The following PMS1 variants were observed in gnomAD, a reference collection of about 807,000 sequenced individuals.
PMS1 encodes the protein PMS1 protein homolog 1.
A neutral mutation model predicts 93.1 loss-of-function variants in PMS1; 79 were observed. That is an observed-to-expected ratio of 0.85 (90% CI 0.71 to 1.02). PMS1 has a LOEUF of 1.02. Ranked by LOEUF, PMS1 falls within the 50% of genes least tolerant of loss-of-function variation. The probability of loss-of-function intolerance (pLI) is 0.00; values close to 1 mark genes in which losing one functional copy is unlikely to be tolerated. For missense variants in PMS1, 1,064 were observed against 1,085.3 expected (o/e 0.98, Z 0.28); for synonymous variants, 335 against 363.4 (o/e 0.92, Z 0.89).
At position 189,795,896 on chromosome 2, in the gene PMS1, T is replaced by G; in HGVS notation, c.260T>G (p.Leu87Trp). ...AATAGTCATGAAGATCTTGAAAATTTGACAACTTACGGTTTTCGTGGAGAA... is the reference window on the plus strand; with the variant it reads ...AATAGTCATGAAGATCTTGAAAATTGGACAACTTACGGTTTTCGTGGAGAA... ...KINSHEDLEN[L>W]TTYGFRGEAL... Residue 87 changes from leucine (L) to tryptophan (W), a missense_variant, in exon 3 of 13, where the codon TTG becomes TGG. Physicochemically the swap from Leu to Trp is moderately conservative, Grantham distance 61. Transcript: ENST00000441310. 1 of 1,613,856 alleles carries G rather than the reference T, an allele frequency of 6.2e-7. No individual in the cohort carries two copies. Among genetic ancestry groups the G allele is most frequent in the Non-Finnish European group, 8.5e-7 (1 of 1,179,738 alleles).
chr2:189,853,301 C>T (rs2054959557), intron 7 of PMS1, among the ~76,000 whole-genome samples: 1 of 152,012 alleles, frequency 6.6e-6, no homozygotes, highest in Non-Finnish European at 1.5e-5. Context: ...AGTGATCCGC[C>T]CACCTCGGCC....
intron 5 of PMS1, among the ~76,000 whole-genome samples, chr2:189,824,507 TAAAAG>T (rs1319934666): frequency 1.3e-5 from 2 of 152,018 alleles, no homozygotes; most frequent in Non-Finnish European, 2.9e-5. Flanking sequence ...TGTTAGGAAA[TAAAAG>T]AAATTGGAAA....
intron 11 of PMS1, among the ~76,000 whole-genome samples, chr2:189,870,801 C>A (rs2057082629): frequency 6.6e-6 from 1 of 152,136 alleles, no homozygotes; most frequent in African/African-American, 2.4e-5. Context: ...CTAGAATATT[C>A]TGCTACTGCT....
chr2:189,793,896 A>T (rs1233263), intron 2 of PMS1, among the ~76,000 whole-genome samples: 2 of 152,152 alleles, frequency 1.3e-5, no homozygotes, highest in Non-Finnish European at 2.9e-5. Context: ...ATTAAACGTG[A>T]TGGTACTATT....
Position 189,834,394 on chromosome 2 carries a change from T to G in PMS1, c.583-9570T>G, listed in dbSNP as rs79560201. Among the ~76,000 whole-genome samples, 439 of 152,324 alleles carry G rather than the reference T, an allele frequency of 2.9e-3. 2 individuals are homozygous for G. The highest frequency in any genetic ancestry group is 9.8e-3 in the African/African-American group (409 of 41,576). On this transcript the variant is annotated intron_variant, in intron 5 of 12. Transcript: ENST00000441310. ...TGTATCTTACATGGGAATGTGTACT[T>G]CTTGTTGAAGTGACCAAGAGGGAAC... is the stretch of plus-strand genomic sequence containing the variant.
chr2:189,788,197 T>C (rs2048534933), intron 1 of PMS1, among the ~76,000 whole-genome samples: 1 of 152,234 alleles, frequency 6.6e-6, no homozygotes, highest in African/African-American at 2.4e-5. Flanking sequence ...AGTGTTTTTC[T>C]TAGATCCTTG....
Position 189,877,554 on chromosome 2 carries a change from T to C in PMS1, c.*118T>C. On this transcript the variant is annotated 3_prime_UTR_variant, in exon 13 of 13. Coordinates refer to ENST00000441310, the MANE Select transcript of PMS1 (RefSeq NM_000534.5). The stretch of plus-strand genomic sequence containing the variant: ...CACATGGTTATTTTTTAAATGAGGA[T>C]TCACTGACTTGTTTTTATATTGAAA... 1.4e-6 allele frequency: 1 copy of C among 692,090 alleles called. No individual in the cohort carries two copies. The highest frequency in any genetic ancestry group is 2.5e-6 in the Non-Finnish European group (1 of 407,396). The allele number at this position is 692,090 out of a possible 1,614,324, so 42.9% of individuals were successfully genotyped here. A position where few individuals can be genotyped will look rare whatever the true frequency, so the allele number is the denominator to read the frequency against.
chr2:189,868,918 G>T (rs1224591868), intron 11 of PMS1, among the ~76,000 whole-genome samples: 1 of 152,136 alleles, frequency 6.6e-6, no homozygotes, highest in African/African-American at 2.4e-5. Context: ...TTTGGGGAAA[G>T]TCACCTGGCC....
chr2:189,814,965 G>C (rs2106316236), intron 4 of PMS1, among the ~76,000 whole-genome samples: 1 of 152,148 alleles, frequency 6.6e-6, no homozygotes, highest in South Asian at 2.1e-4. Flanking sequence ...CAGGCGGGCT[G>C]GCAGGTTCCT....
At chr2:189,852,007 A>G (rs5743124) in intron 6 of PMS1, among the ~76,000 whole-genome samples, 29 of 152,204 alleles carry the variant, frequency 1.9e-4, no homozygotes, top group African/African-American at 7.0e-4. Context: ...ATCCTTCTTC[A>G]TTTTCTCTTT....
rs1445443776 is a variant in PMS1, at chr2:189,867,849, A to G, written c.2393A>G (p.Asp798Gly). 2.5e-6 allele frequency: 4 copies of G among 1,586,874 alleles called. 1 individual carries two copies. The South Asian group carries it at 3.3e-5, about 13-fold the overall frequency. The change falls in exon 11 of 13, where the codon GAT becomes GGT. Residue 798 changes from aspartate (D) to glycine (G), a missense_variant. Asp to Gly is a moderately conservative substitution (Grantham distance 94). Transcript: ENST00000441310. ...GACGTTTTATATAAAATGACAGCAGATGACCAAAGATACAGTGGATCAACT... is the reference window on the plus strand; with the variant it reads ...GACGTTTTATATAAAATGACAGCAGGTGACCAAAGATACAGTGGATCAACT... ...YLDVLYKMTA[D>G]DQRYSGSTYL...
At chr2:189,867,191 A>G (rs951262753) in intron 10 of PMS1, among the ~76,000 whole-genome samples, 2 of 152,202 alleles carry the variant, frequency 1.3e-5, no homozygotes, top group African/African-American at 4.8e-5. Flanking sequence ...TGCAATGACT[A>G]TAACGCGTCC....
chr2:189,790,655 G>C (rs1294704351), intron 1 of PMS1, among the ~76,000 whole-genome samples: 4 of 152,132 alleles, frequency 2.6e-5, no homozygotes, highest in Non-Finnish European at 4.4e-5. Context: ...CGGTTTAAAT[G>C]CAATCCTATA....
chr2:189,824,026 T>G (rs2052202679), intron 5 of PMS1, among the ~76,000 whole-genome samples: 1 of 152,206 alleles, frequency 6.6e-6, no homozygotes, highest in African/African-American at 2.4e-5. Context: ...TAAAAGTTTA[T>G]ATAGGTCTAT....
chr2:189,808,412 C>G (rs952663596), intron 4 of PMS1, among the ~76,000 whole-genome samples: 3 of 152,162 alleles, frequency 2.0e-5, no homozygotes, highest in African/African-American at 7.2e-5. Context: ...AGTGCAGCCT[C>G]CACCTCCCAG....
chr2:189,799,541 G>A (rs1235793576), intron 3 of PMS1, among the ~76,000 whole-genome samples: 2 of 152,126 alleles, frequency 1.3e-5, no homozygotes, highest in Non-Finnish European at 2.9e-5. Context: ...AAATCATATG[G>A]TATGTATTAT....
In PMS1 at chr2:189,811,746, C is replaced by G. The variant is rs1345122765; in HGVS notation, c.418+5992C>G. Among the ~76,000 whole-genome samples, 5 of 152,126 alleles carry G rather than the reference C, an allele frequency of 3.3e-5. 1 individual carries two copies. Among genetic ancestry groups the G allele is most frequent in the Non-Finnish European group, 7.4e-5 (5 of 68,022 alleles). ...TAAACAGAACCACAGCTAACTACAT[C>G]ATAATTGAATTACCGAAAACCAGTA... On this transcript the variant is annotated intron_variant, in intron 4 of 12. Transcript: ENST00000441310.
At chr2:189,867,167 G>A (rs1034036761) in intron 10 of PMS1, among the ~76,000 whole-genome samples, 3 of 152,234 alleles carry the variant, frequency 2.0e-5, no homozygotes, top group Admixed American at 6.5e-5. Flanking sequence ...CATCAACCCC[G>A]ACAGACACCT....
intron 3 of PMS1, among the ~76,000 whole-genome samples, chr2:189,797,403 C>A (rs1034504278): frequency 2.6e-5 from 4 of 152,168 alleles, no homozygotes; most frequent in African/African-American, 9.7e-5. Flanking sequence ...TAGTTTGTAG[C>A]AAAGCCCGTC....
Sources: gnomAD v4.1 joint callset for allele counts (sites outside exome capture counted in the v4.1 genomes callset) on GRCh38, gnomAD v4.1.1 for gene constraint, MANE v1.5 for transcripts, NCBI Gene and HGNC (gene_info 2026-07-23, HGNC 2026-07-21) for gene names.